LRMDA: variants seen among roughly 807,000 people sequenced by gnomAD.
The protein encoded by LRMDA is leucine-rich melanocyte differentiation-associated protein.
A neutral mutation model predicts 29.8 loss-of-function variants in LRMDA; 18 were observed. The ratio of observed to expected loss-of-function variants is 0.60; its 90% confidence interval spans 0.42 to 0.90. The LOEUF (loss-of-function observed/expected upper bound fraction) is 0.90. Among genes scored for constraint, LRMDA ranks in the 40% least tolerant of loss-of-function variants. LRMDA has a pLI of 0.00. For synonymous variants in LRMDA, 125 were observed against 109.4 expected (o/e 1.14, Z -0.89); for missense variants, 273 against 273.9 (o/e 1.00, Z 0.02).
chr10:75,913,685 C>G (rs769641480), intron 2 of LRMDA, among the ~76,000 whole-genome samples: 2 of 152,074 alleles, frequency 1.3e-5, no homozygotes, highest in African/African-American at 4.8e-5. Flanking sequence ...TAGGAGGGAG[C>G]CTTGGGCTCA....
rs566595067 is a variant in LRMDA at position 76,119,360 on chromosome 10, C to T, written c.516+60577C>T. On this transcript the variant is annotated intron_variant, in intron 5 of 6. Transcript: ENST00000611255. ...AGGCTGGGGTCTGTGGGTAGCAAAG[C>T]GTATGGAATAAGTTAAAAATGAAGA... 9.9e-5 allele frequency among the ~76,000 whole-genome samples: 15 copies of T among 151,850 alleles called. No homozygotes were observed. In the East Asian group the frequency reaches 1.6e-3, roughly 16 times the overall value.
chr10:75,855,922 A>T (rs1844817913), intron 2 of LRMDA, among the ~76,000 whole-genome samples: 1 of 152,092 alleles, frequency 6.6e-6, no homozygotes, highest in Non-Finnish European at 1.5e-5. Flanking sequence ...CCATTGGCCT[A>T]TATCTCTGTT....
intron 6 of LRMDA, among the ~76,000 whole-genome samples, chr10:76,418,697 A>C (rs1589175489): frequency 6.6e-6 from 1 of 151,984 alleles, no homozygotes; most frequent in African/African-American, 2.4e-5. Context: ...CTCATTTTCA[A>C]TCTCAGCTTT....
intron 5 of LRMDA, among the ~76,000 whole-genome samples, chr10:76,236,067 C>T (rs560856469): frequency 3.9e-5 from 6 of 152,190 alleles, no homozygotes; most frequent in South Asian, 2.1e-4. Flanking sequence ...TTTTCTAAAA[C>T]GAGTGAACTT....
At chr10:76,520,370 T>A (rs997025962) in intron 6 of LRMDA, among the ~76,000 whole-genome samples, 3 of 152,096 alleles carry the variant, frequency 2.0e-5, no homozygotes, top group Non-Finnish European at 4.4e-5. Flanking sequence ...TTTTTGCTCC[T>A]TTTTATTGGA....
chr10:75,458,741 G>A (rs1262897782), intron 2 of LRMDA, among the ~76,000 whole-genome samples: 2 of 152,106 alleles, frequency 1.3e-5, no homozygotes, highest in Non-Finnish European at 2.9e-5. Context: ...GACTGTACCT[G>A]ATGGGACAAG....
At chr10:76,467,246 C>T (rs1018100376) in intron 6 of LRMDA, among the ~76,000 whole-genome samples, 2 of 152,130 alleles carry the variant, frequency 1.3e-5, no homozygotes, top group Non-Finnish European at 2.9e-5. Context: ...TGTACTAGAA[C>T]ATGGGGTTGA....
rs530690222 is a variant in LRMDA at position 75,997,150 on chromosome 10, C to T, written c.132-38858C>T. Among the ~76,000 whole-genome samples, 20 of 152,280 alleles carry T rather than the reference C, an allele frequency of 1.3e-4. No homozygotes were observed. The South Asian group carries it at 4.1e-3, about 32-fold the overall frequency. Reference sequence around the variant, plus strand: ...AATTAAGGTTGCCTGTAATTCCCCACTTCCCAGAAATAACCACTTAAAACC... The same window carrying T: ...AATTAAGGTTGCCTGTAATTCCCCATTTCCCAGAAATAACCACTTAAAACC... On this transcript the variant is annotated intron_variant, in intron 2 of 6. Transcript: ENST00000611255.
intron 5 of LRMDA, among the ~76,000 whole-genome samples, chr10:76,259,805 T>C (rs918929147): frequency 1.3e-5 from 2 of 152,168 alleles, no homozygotes; most frequent in African/African-American, 2.4e-5. Flanking sequence ...TCTTGCTTAA[T>C]TGATCCCTTT....
intron 6 of LRMDA, among the ~76,000 whole-genome samples, chr10:76,396,832 T>C (rs2132490918): frequency 6.6e-6 from 1 of 152,320 alleles, no homozygotes; most frequent in South Asian, 2.1e-4. Flanking sequence ...ATATATATTT[T>C]CAAGTTTTAT....
intron 5 of LRMDA, among the ~76,000 whole-genome samples, chr10:76,212,426 A>G (rs988872998): frequency 1.3e-5 from 2 of 152,130 alleles, no homozygotes; most frequent in Admixed American, 6.5e-5. Context: ...TTTTTTTCTA[A>G]TTATTGCTTC....
At chr10:76,211,044 A>G (rs1851625132) in intron 5 of LRMDA, among the ~76,000 whole-genome samples, 1 of 152,178 alleles carries the variant, frequency 6.6e-6, no homozygotes, top group African/African-American at 2.4e-5. Flanking sequence ...CATTGGTCCA[A>G]CACTTCACCT....
At chr10:75,604,747 T>A (rs1055402906) in intron 2 of LRMDA, among the ~76,000 whole-genome samples, 1 of 152,236 alleles carries the variant, frequency 6.6e-6, no homozygotes, top group African/African-American at 2.4e-5. Flanking sequence ...TTTAACCTAG[T>A]AGCTGCTGAA....
intron 2 of LRMDA, among the ~76,000 whole-genome samples, chr10:75,948,593 G>A (rs375238104): frequency 3.9e-5 from 6 of 152,194 alleles, no homozygotes; most frequent in South Asian, 4.1e-4. Flanking sequence ...GTATGTTGGC[G>A]ACAGATTAAA....
chr10:75,814,627 G>A (rs1054752571), intron 2 of LRMDA, among the ~76,000 whole-genome samples: 3 of 152,160 alleles, frequency 2.0e-5, no homozygotes, highest in Non-Finnish European at 4.4e-5. Flanking sequence ...TACCAACCAA[G>A]TGCAGGCAGC....
At chr10:75,563,096 G>A (rs1254027346) in intron 2 of LRMDA, among the ~76,000 whole-genome samples, 2 of 152,198 alleles carry the variant, frequency 1.3e-5, no homozygotes, top group Admixed American at 6.5e-5. Flanking sequence ...GATTGGGGAA[G>A]TTCTCCTGGA....
chr10:76,189,772 G>A (rs1215663554), intron 5 of LRMDA, among the ~76,000 whole-genome samples: 1 of 152,212 alleles, frequency 6.6e-6, no homozygotes, highest in Non-Finnish European at 1.5e-5. Flanking sequence ...TGGGAGCCTA[G>A]ATCCTGAGCA....
chr10:76,182,080 G>A (rs4746373), intron 5 of LRMDA, among the ~76,000 whole-genome samples: 5,160 of 152,166 alleles, frequency 0.034, 294 homozygotes, highest in African/African-American at 0.11. Flanking sequence ...TATTAAGTTC[G>A]TTTTCACACT....
chr10:76,389,111 C>T (rs1841693501), intron 6 of LRMDA, among the ~76,000 whole-genome samples: 2 of 152,084 alleles, frequency 1.3e-5, no homozygotes. Flanking sequence ...TAGTTTGAGA[C>T]TTGAAGGACT....
Sources: gnomAD v4.1 joint callset for allele counts (sites outside exome capture counted in the v4.1 genomes callset) on GRCh38, gnomAD v4.1.1 for gene constraint, MANE v1.5 for transcripts, NCBI Gene and HGNC (gene_info 2026-07-23, HGNC 2026-07-21) for gene names.